Variants in AKAP9 observed in about 807,000 individuals in gnomAD.
AKAP9 encodes the protein A-kinase anchoring protein 9, also known as A-kinase anchor protein 9.
AKAP9 carries 311 observed loss-of-function variants against 488.5 expected under a neutral mutation model. The observed-to-expected ratio is 0.64, with a 90% confidence interval of 0.58 to 0.70. The LOEUF (loss-of-function observed/expected upper bound fraction) is 0.70, where lower values mean the gene tolerates loss of function less well. Ranked by LOEUF, AKAP9 falls within the 30% of genes least tolerant of loss-of-function variation. AKAP9 has a pLI of 0.00. For synonymous variants in AKAP9, 1,462 were observed against 1,483.5 expected (o/e 0.99, Z 0.33); for missense variants, 4,215 against 4,374.5 (o/e 0.96, Z 1.03).
At chr7:92,039,655 T>C (rs1412913091) in intron 17 of AKAP9, among the ~76,000 whole-genome samples, 1 of 152,198 alleles carries the variant, frequency 6.6e-6, no homozygotes, top group Non-Finnish European at 1.5e-5. Context: ...AGGTTATGTT[T>C]TGTTCAGACT....
chr7:91,955,618 T>G (rs1301784006), intron 1 of AKAP9, among the ~76,000 whole-genome samples: 1 of 152,206 alleles, frequency 6.6e-6, no homozygotes, highest in Non-Finnish European at 1.5e-5. Flanking sequence ...GGAATTTACG[T>G]CAGTATCCAT....
intron 10 of AKAP9, among the ~76,000 whole-genome samples, chr7:92,014,548 G>A (rs1346954955): frequency 6.6e-6 from 1 of 152,142 alleles, no homozygotes; most frequent in Non-Finnish European, 1.5e-5. Context: ...GGAATTGCTT[G>A]GGCATGGGAG....
intron 1 of AKAP9, among the ~76,000 whole-genome samples, chr7:91,972,668 G>A (rs1039399064): frequency 3.3e-5 from 5 of 152,198 alleles, no homozygotes; most frequent in African/African-American, 1.2e-4. Flanking sequence ...AAGGCAACTT[G>A]CTTCTGTGCC....
chr7:92,067,539 C>T (rs1252475221), intron 26 of AKAP9, among the ~76,000 whole-genome samples: 1 of 152,146 alleles, frequency 6.6e-6, no homozygotes, highest in Non-Finnish European at 1.5e-5. Context: ...ATTCATCTTC[C>T]TAAATCCCAC....
rs546122452 is a variant in AKAP9, at chr7:92,028,524, A to G, written c.4149-1371A>G. Reference sequence around the variant, plus strand: ...AAAAGCAGGAAAGGGCAGAGAAGAAAGACAAGGGAATGAGTTTTTAGAAGC... The same window carrying G: ...AAAAGCAGGAAAGGGCAGAGAAGAAGGACAAGGGAATGAGTTTTTAGAAGC... On this transcript the variant is annotated intron_variant, in intron 14 of 49. Transcript: ENST00000356239. Among the ~76,000 whole-genome samples the G allele has an allele frequency of 3.9e-5, 6 of 152,244 alleles. No homozygotes were observed. The East Asian group carries it at 9.7e-4, about 25-fold the overall frequency.
intron 29 of AKAP9, among the ~76,000 whole-genome samples, chr7:92,077,314 A>G (rs1444952332): frequency 6.6e-5 from 10 of 151,806 alleles, no homozygotes; most frequent in Non-Finnish European, 1.3e-4. Context: ...GATGCTCTCG[A>G]TCTCCTGACC....
intron 8 of AKAP9, among the ~76,000 whole-genome samples, chr7:92,011,505 G>T (rs1355027144): frequency 1.3e-5 from 2 of 152,082 alleles, no homozygotes; most frequent in African/African-American, 4.8e-5. Flanking sequence ...ATTTTTCATG[G>T]ATCTTGAAAA....
chr7:92,077,759 C>T lies in AKAP9; in HGVS notation c.6829C>T (p.His2277Tyr). The T allele has an allele frequency of 6.2e-7, 1 of 1,613,828 alleles. No homozygotes were observed. The highest frequency in any genetic ancestry group is 8.5e-7 in the Non-Finnish European group (1 of 1,179,872). Residue 2277 changes from histidine to tyrosine, a missense_variant, in exon 30 of 50, where the codon CAT (histidine) becomes TAT (tyrosine). Physicochemically the swap from His to Tyr is moderately conservative, Grantham distance 83 (BLOSUM62 2). Around this residue, in one of 5 missense-constraint regions of AKAP9, gnomAD observed 1,476 missense variants for 1,477.4 expected, o/e 1.00. Coordinates refer to ENST00000356239, the MANE Select transcript of AKAP9 (RefSeq NM_005751.5). ...TGATGCCATGTCTACTCAAGACCAA[C>T]ATGTGCTATTTGGGAAATTTGCTCA... ...ESDAMSTQDQ[H>Y]VLFGKFAQII...
chr7:92,101,008 C>T lies in AKAP9; in HGVS notation c.11049C>T (p.Asp3683=), dbSNP rs527735002. Residue 3683 remains aspartate, a synonymous_variant, in exon 45 of 50, where the codon GAC becomes GAT. Coordinates refer to ENST00000356239, the MANE Select transcript of AKAP9 (RefSeq NM_005751.5). The stretch of plus-strand genomic sequence containing the variant: ...AACTGAAAGCTGAACTAAGAAATGA[C>T]TCTTTACTTCAAACTCTGAGCCCTG... ...VYKLKAELRN[D]SLLQTLSPDS... is the part of the protein sequence containing the mutation. 26 of 1,614,000 alleles carry T rather than the reference C, an allele frequency of 1.6e-5. No individual in the cohort carries two copies. The highest frequency in any genetic ancestry group is 1.0e-4 in the Admixed American group (6 of 60,002).
chr7:91,992,201 AT>A lies in AKAP9; in HGVS notation c.398del (p.Leu133TyrfsTer2). On this transcript the variant is annotated frameshift_variant, in exon 4 of 50. Coordinates refer to ENST00000356239, the MANE Select transcript of AKAP9 (RefSeq NM_005751.5). LOFTEE classifies it high-confidence loss of function. The part of the protein sequence containing the change: ...SFVMRTGKPT[N>X]LLREEEFGVD... Reference sequence around the variant, plus strand: ...GTGATGAGAACAGGAAAGCCTACAAATTTATTAAGGGTACAGTATTTAAAAC... The same window carrying A: ...GTGATGAGAACAGGAAAGCCTACAAATTATTAAGGGTACAGTATTTAAAAC... 6.2e-7 allele frequency: 1 copy of A among 1,607,678 alleles called. No homozygotes were observed. The highest frequency in any genetic ancestry group is 8.5e-7 in the Non-Finnish European group (1 of 1,174,322).
chr7:91,983,513 G>A (rs936924465), intron 3 of AKAP9, among the ~76,000 whole-genome samples: 1 of 152,106 alleles, frequency 6.6e-6, no homozygotes, highest in African/African-American at 2.4e-5. Context: ...AATAAACATA[G>A]GTGTGCATGT....
At chr7:92,066,907 C>T (rs1283025387) in intron 26 of AKAP9, among the ~76,000 whole-genome samples, 1 of 152,174 alleles carries the variant, frequency 6.6e-6, no homozygotes, top group Non-Finnish European at 1.5e-5. Context: ...GCCCTTGTTT[C>T]TCAGTAGGGT....
intron 45 of AKAP9, 77 bp downstream of exon 45, chr7:92,101,133 T>G: frequency 7.0e-7 from 1 of 1,427,600 alleles, no homozygotes; most frequent in Non-Finnish European, 9.5e-7. Context: ...TGACCTTAAA[T>G]AAACAGTCTA....
At chr7:92,084,492 TA>T (rs370384333) in intron 33 of AKAP9, 147 bp from the exon 34 acceptor site, 7,017 of 490,370 alleles carry the variant, frequency 0.014, 31 homozygotes, top group African/African-American at 0.042. Flanking sequence ...ACAGACTTGT[TA>T]AAAAAAAAAA....
intron 10 of AKAP9, among the ~76,000 whole-genome samples, chr7:92,015,054 G>A (rs1801316692): frequency 6.6e-6 from 1 of 152,142 alleles, no homozygotes; most frequent in Non-Finnish European, 1.5e-5. Flanking sequence ...CATCTTAGGG[G>A]CTATGCTGAA....
At chr7:92,063,735 A>AT (rs1012070966) in intron 24 of AKAP9, among the ~76,000 whole-genome samples, 17 of 152,240 alleles carry the variant, frequency 1.1e-4, no homozygotes, top group Admixed American at 1.0e-3. Flanking sequence ...TATGATGTCT[A>AT]TTTTTGCATA....
At chr7:92,062,034 A>G (rs1023444238) in intron 23 of AKAP9, among the ~76,000 whole-genome samples, 6 of 152,236 alleles carry the variant, frequency 3.9e-5, no homozygotes, top group African/African-American at 1.2e-4. Context: ...GCAAAGTATT[A>G]GAAAATTCAG....
intron 1 of AKAP9, among the ~76,000 whole-genome samples, chr7:91,962,868 TTTA>T (rs1793891119): frequency 6.6e-6 from 1 of 152,198 alleles, no homozygotes; most frequent in Non-Finnish European, 1.5e-5. Flanking sequence ...GTTTTTCTCA[TTTA>T]TTATGTGTTT....
Position 92,097,348 on chromosome 7 carries a change from C to A in AKAP9, c.10389C>A (p.Asn3463Lys), listed in dbSNP as rs998727264. Residue 3463 changes from asparagine to lysine, a missense_variant, in exon 41 of 50, where the codon AAC (asparagine) becomes AAA (lysine). By Grantham distance (94) the Asn-to-Lys change is moderately conservative. Around this residue, in one of 5 missense-constraint regions of AKAP9, gnomAD observed 1,476 missense variants for 1,477.4 expected, o/e 1.00. Transcript: ENST00000356239. ...KRESRRILYQ[N>K]LNEPTTWSLT... ...AAAGTAGAAGAATTCTGTATCAGAA[C>A]CTTAATGAGGTAAACTGACAGTTTC... 9 of 1,613,064 alleles carry A rather than the reference C, an allele frequency of 5.6e-6. No homozygotes were observed. The highest frequency in any genetic ancestry group is 6.8e-6 in the Non-Finnish European group (8 of 1,179,676).
Sources: allele counts gnomAD v4.1 joint callset (sites outside exome capture counted in the v4.1 genomes callset), GRCh38; gene constraint gnomAD v4.1.1; regional missense constraint gnomAD v4.1.1; transcripts MANE v1.5; gene names NCBI Gene and HGNC (gene_info 2026-07-23, HGNC 2026-07-21).